Variants in PDE4D observed in about 807,000 individuals in gnomAD.
PDE4D encodes 3',5'-cyclic-AMP phosphodiesterase 4D.
A neutral mutation model predicts 87.4 loss-of-function variants in PDE4D; 24 were observed. The observed-to-expected ratio is 0.27, with a 90% CI of 0.20 to 0.39. The LOEUF (loss-of-function observed/expected upper bound fraction) is 0.39. Among genes scored for constraint, PDE4D ranks in the 10% least tolerant of loss-of-function variants. The pLI, the probability that PDE4D is intolerant of heterozygous loss-of-function variation, is 1.00. For synonymous variants in PDE4D, 384 were observed against 383.2 expected, an observed-to-expected ratio of 1.00 and a Z score of -0.02; for missense variants, 714 against 1,041.0, an observed-to-expected ratio of 0.69 and a Z score of 4.32.
At chr5:59,504,482 C>A (rs1434065417) in intron 1 of PDE4D, among the ~76,000 whole-genome samples, 1 of 152,116 alleles carries the variant, frequency 6.6e-6, no homozygotes, top group African/African-American at 2.4e-5. Context: ...AAAAAAGTTA[C>A]CCTAGTTCTC....
intron 5 of PDE4D, among the ~76,000 whole-genome samples, chr5:59,096,940 A>T (rs1276952717): frequency 1.3e-5 from 2 of 152,216 alleles, no homozygotes; most frequent in African/African-American, 4.8e-5. Context: ...ACAACCACTT[A>T]TTGGTGTATA....
chr5:59,043,703 C>G (rs1760116049), intron 5 of PDE4D, among the ~76,000 whole-genome samples: 1 of 152,042 alleles, frequency 6.6e-6, no homozygotes, highest in South Asian at 2.1e-4. Flanking sequence ...TATCCCTCCC[C>G]CTTCCCCCCA....
chr5:60,394,718 A>G (rs1762773614), intron 1 of PDE4D, among the ~76,000 whole-genome samples: 1 of 152,196 alleles, frequency 6.6e-6, no homozygotes, highest in Admixed American at 6.5e-5. Flanking sequence ...CAAATGAAGT[A>G]AAGACTTTCA....
At position 59,142,651 on chromosome 5, in the gene PDE4D, A is replaced by T. The variant is rs182058807; in HGVS notation, c.808+37944T>A. On this transcript the variant is annotated intron_variant, in intron 5 of 14. Transcript: ENST00000340635. ...AATTCATAATGGTTATAAAGAATGAAATGGGCTGGTCACAGTGGCTCATGC... is the reference window on the plus strand; with the variant it reads ...AATTCATAATGGTTATAAAGAATGATATGGGCTGGTCACAGTGGCTCATGC... 1.9e-3 allele frequency among the ~76,000 whole-genome samples: 289 copies of T among 152,338 alleles called. 1 individual carries two copies. The highest frequency in any genetic ancestry group is 6.6e-3 in the African/African-American group (276 of 41,580).
At chr5:60,191,796 A>G (rs1785220600) in intron 1 of PDE4D, among the ~76,000 whole-genome samples, 1 of 152,132 alleles carries the variant, frequency 6.6e-6, no homozygotes, top group Non-Finnish European at 1.5e-5. Context: ...CAGGAGTGTG[A>G]GACCAGCCTG....
intron 1 of PDE4D, chr5:59,703,716 G>A (rs749772338): frequency 8.8e-6 from 4 of 452,924 alleles, no homozygotes; most frequent in Non-Finnish European, 1.4e-5. Flanking sequence ...ACTTGTTGTG[G>A]TCTACTAGAG....
At chr5:59,318,572 T>A (rs1244144844) in intron 1 of PDE4D, among the ~76,000 whole-genome samples, 1 of 149,706 alleles carries the variant, frequency 6.7e-6, no homozygotes, top group Non-Finnish European at 1.5e-5. Flanking sequence ...AAAAAAAGGG[T>A]TCTGAAAGGG....
chr5:60,075,940 G>C (rs912188961), intron 2 of PDE4D, among the ~76,000 whole-genome samples: 1 of 152,042 alleles, frequency 6.6e-6, no homozygotes, highest in Non-Finnish European at 1.5e-5. Context: ...AGCTTCCTCA[G>C]ATTGGTTTCA....
chr5:59,903,911 T>C (rs1020283586), intron 3 of PDE4D, among the ~76,000 whole-genome samples: 1 of 152,180 alleles, frequency 6.6e-6, no homozygotes, highest in African/African-American at 2.4e-5. Context: ...AAGATGGGTA[T>C]AAGCACCAGA....
At chr5:59,625,891 T>C (rs948167390) in intron 1 of PDE4D, among the ~76,000 whole-genome samples, 9 of 152,126 alleles carry the variant, frequency 5.9e-5, no homozygotes, top group Non-Finnish European at 5.9e-5. Flanking sequence ...CCATCCTAGC[T>C]AACACGGTGA....
At chr5:60,466,474 G>A (rs1747362880) in intron 1 of PDE4D, among the ~76,000 whole-genome samples, 1 of 152,176 alleles carries the variant, frequency 6.6e-6, no homozygotes, top group East Asian at 1.9e-4. Flanking sequence ...AGAAAATTTA[G>A]AATGGCTCTA....
chr5:59,253,147 C>G (rs970822378), intron 1 of PDE4D, among the ~76,000 whole-genome samples: 7 of 152,020 alleles, frequency 4.6e-5, no homozygotes, highest in Non-Finnish European at 8.8e-5. Context: ...TCTTTGTTAA[C>G]TCTGTTGACA....
At chr5:60,367,961 G>A (rs375214762) in intron 1 of PDE4D, among the ~76,000 whole-genome samples, 3 of 152,078 alleles carry the variant, frequency 2.0e-5, no homozygotes, top group Admixed American at 1.3e-4. Flanking sequence ...CATTCTGTAC[G>A]TCATTACTGA....
intron 1 of PDE4D, among the ~76,000 whole-genome samples, chr5:59,497,917 G>T (rs377578462): frequency 2.6e-5 from 4 of 152,072 alleles, no homozygotes; most frequent in African/African-American, 9.6e-5. Context: ...CTTAACGGCA[G>T]CTAGAGAAAA....
chr5:60,358,412 TG>T (rs1759791860), intron 1 of PDE4D, among the ~76,000 whole-genome samples: 1 of 152,194 alleles, frequency 6.6e-6, no homozygotes, highest in Non-Finnish European at 1.5e-5. Flanking sequence ...TTAACCATCT[TG>T]GGTAGCTGGC....
At chr5:59,762,628 G>A (rs1448676186) in intron 1 of PDE4D, among the ~76,000 whole-genome samples, 1 of 135,260 alleles carries the variant, frequency 7.4e-6, no homozygotes, top group East Asian at 2.0e-4. Context: ...GTGTATATGT[G>A]TATATGGGTA....
chr5:59,586,197 G>T, intron 1 of PDE4D: 2 of 599,586 alleles, frequency 3.3e-6, no homozygotes, highest in South Asian at 3.1e-5. Context: ...GACAATATTC[G>T]GTTTTGCACA....
At chr5:60,168,167 T>C (rs1211604458) in intron 2 of PDE4D, among the ~76,000 whole-genome samples, 1 of 152,210 alleles carries the variant, frequency 6.6e-6, no homozygotes, top group African/African-American at 2.4e-5. Context: ...TAACAAGATT[T>C]ATTAATATTG....
chr5:59,687,402 G>T (rs1471697808), intron 1 of PDE4D, among the ~76,000 whole-genome samples: 4 of 152,158 alleles, frequency 2.6e-5, no homozygotes, highest in Non-Finnish European at 4.4e-5. Flanking sequence ...CTACAAACCA[G>T]AAGAGAGTGG....
Sources: allele counts gnomAD v4.1 joint callset (sites outside exome capture counted in the v4.1 genomes callset), GRCh38; gene constraint gnomAD v4.1.1; transcripts MANE v1.5; gene names NCBI Gene and HGNC (gene_info 2026-07-23, HGNC 2026-07-21).